The following KCNH5 variants were observed in gnomAD, a reference collection of about 807,000 sequenced individuals.
KCNH5 encodes the protein potassium voltage-gated channel subfamily H member 5.
Under a neutral mutation model 96.1 loss-of-function variants are expected in KCNH5, and 46 were observed. The observed-to-expected ratio is 0.48, with a 90% CI of 0.38 to 0.61. The LOEUF is 0.61. KCNH5 is among the 20% of genes least tolerant of loss of function. The pLI is 0.00. For missense variants in KCNH5, 907 were observed against 1,225.8 expected (o/e 0.74, Z 3.88); for synonymous variants, 439 against 449.8 (o/e 0.98, Z 0.30).
At chr14:62,801,218 C>A (rs1486490316) in intron 9 of KCNH5, among the ~76,000 whole-genome samples, 1 of 151,758 alleles carries the variant, frequency 6.6e-6, no homozygotes, top group Non-Finnish European at 1.5e-5. Flanking sequence ...TAATCTTTTA[C>A]TTTTGAGAAT....
chr14:62,928,338 C>T (rs181730296), intron 7 of KCNH5, among the ~76,000 whole-genome samples: 3 of 152,166 alleles, frequency 2.0e-5, no homozygotes, highest in South Asian at 4.1e-4. Flanking sequence ...ACTGGATGCT[C>T]ATTCAGTTAG....
At chr14:62,893,728 C>G (rs564192094) in intron 7 of KCNH5, among the ~76,000 whole-genome samples, 1 of 151,058 alleles carries the variant, frequency 6.6e-6, no homozygotes, top group Non-Finnish European at 1.5e-5. Flanking sequence ...TCAGCCTGGG[C>G]GACAGAGCGA....
chr14:63,003,630 T>A (rs1891070640), intron 3 of KCNH5, among the ~76,000 whole-genome samples: 2 of 119,222 alleles, frequency 1.7e-5, no homozygotes, highest in Admixed American at 8.7e-5. Context: ...ATATATTTTT[T>A]TTTTTTTGAG....
chr14:62,907,081 T>C (rs1889043026), intron 7 of KCNH5, among the ~76,000 whole-genome samples: 1 of 152,200 alleles, frequency 6.6e-6, no homozygotes, highest in Non-Finnish European at 1.5e-5. Flanking sequence ...ACTTTCCACA[T>C]GTAGGATGTG....
At chr14:62,760,282 A>G (rs1424784826) in intron 10 of KCNH5, among the ~76,000 whole-genome samples, 1 of 152,180 alleles carries the variant, frequency 6.6e-6, no homozygotes. Context: ...CTAACTTTCA[A>G]AGGACCCGTG....
chr14:62,878,008 T>G (rs1266852031), intron 7 of KCNH5, among the ~76,000 whole-genome samples: 1 of 151,254 alleles, frequency 6.6e-6, no homozygotes, highest in Non-Finnish European at 1.5e-5. Flanking sequence ...TGGAATACTA[T>G]GCAGCCATAA....
At chr14:62,753,610 T>C (rs1164181914) in intron 10 of KCNH5, among the ~76,000 whole-genome samples, 1 of 151,948 alleles carries the variant, frequency 6.6e-6, no homozygotes, top group Admixed American at 6.6e-5. Context: ...AAGAAACAAA[T>C]AACATACAGT....
At chr14:62,784,725 T>A (rs1422695335) in intron 9 of KCNH5, among the ~76,000 whole-genome samples, 1 of 152,212 alleles carries the variant, frequency 6.6e-6, no homozygotes. Flanking sequence ...GGGCCATTTT[T>A]AATTACAGAA....
At chr14:62,824,524 T>A (rs781710140) in intron 8 of KCNH5, among the ~76,000 whole-genome samples, 1 of 152,104 alleles carries the variant, frequency 6.6e-6, no homozygotes, top group Non-Finnish European at 1.5e-5. Context: ...CAATAAAAGT[T>A]TTATATATTG....
At chr14:62,916,188 G>A (rs1335602682) in intron 7 of KCNH5, among the ~76,000 whole-genome samples, 4 of 151,922 alleles carry the variant, frequency 2.6e-5, no homozygotes, top group Non-Finnish European at 4.4e-5. Flanking sequence ...TCCTGACCTC[G>A]TGATCTGCCT....
rs569755173 is a variant in KCNH5, at chr14:62,823,670, T to C, written c.1570-21089A>G. Among the ~76,000 whole-genome samples the C allele has an allele frequency of 5.3e-5, 8 of 152,226 alleles. No individual in the cohort carries two copies. In the East Asian group the frequency reaches 1.5e-3, roughly 29 times the overall value. The stretch of plus-strand genomic sequence containing the variant: ...TTCAGATTATTCTTTCTCCATCATG[T>C]CATCTCTGATTTACTCCTTTCTGGC... On this transcript the variant is annotated intron_variant, in intron 8 of 10. Coordinates refer to ENST00000322893, the MANE Select transcript of KCNH5 (RefSeq NM_139318.5).
chr14:62,902,822 C>T (rs1392632500), intron 7 of KCNH5, among the ~76,000 whole-genome samples: 7 of 151,698 alleles, frequency 4.6e-5, no homozygotes, highest in East Asian at 1.9e-4. Context: ...AGGGTTCAAG[C>T]GATTCTCCCA....
intron 8 of KCNH5, among the ~76,000 whole-genome samples, chr14:62,840,557 C>CTTT: frequency 9.2e-6 from 1 of 108,736 alleles, no homozygotes; most frequent in Non-Finnish European, 1.9e-5. Flanking sequence ...TTTCTTTTTT[C>CTTT]TTTTTTTTCT....
At chr14:62,924,364 G>A (rs747460413) in intron 7 of KCNH5, among the ~76,000 whole-genome samples, 2 of 151,904 alleles carry the variant, frequency 1.3e-5, no homozygotes, top group African/African-American at 2.4e-5. Flanking sequence ...CTTATACACT[G>A]TTGGTGGGAA....
At chr14:62,834,939 C>T (rs1272866339) in intron 8 of KCNH5, among the ~76,000 whole-genome samples, 1 of 151,940 alleles carries the variant, frequency 6.6e-6, no homozygotes. Flanking sequence ...AAACTGTTTA[C>T]TATCCGGCCC....
At chr14:62,868,321 A>G (rs1384567269) in intron 7 of KCNH5, among the ~76,000 whole-genome samples, 3 of 152,170 alleles carry the variant, frequency 2.0e-5, no homozygotes, top group Non-Finnish European at 4.4e-5. Context: ...ACATTCAACA[A>G]TTTTACTCAA....
At chr14:62,775,994 C>T (rs1886087297) in intron 10 of KCNH5, among the ~76,000 whole-genome samples, 3 of 152,186 alleles carry the variant, frequency 2.0e-5, no homozygotes, top group South Asian at 4.2e-4. Flanking sequence ...TTGGGGCCAG[C>T]GCGGTGGCTC....
At chr14:62,775,447 G>A (rs1338195014) in intron 10 of KCNH5, among the ~76,000 whole-genome samples, 1 of 151,902 alleles carries the variant, frequency 6.6e-6, no homozygotes, top group Non-Finnish European at 1.5e-5. Flanking sequence ...TGGCCTCTTG[G>A]AGAAAAAAAA....
intron 10 of KCNH5, among the ~76,000 whole-genome samples, chr14:62,730,146 C>G (rs1242609387): frequency 4.6e-5 from 7 of 152,110 alleles, no homozygotes; most frequent in Admixed American, 2.6e-4. Context: ...ATAATCTACA[C>G]TTCTTGGCAT....
Sources: allele counts gnomAD v4.1 joint callset (sites outside exome capture counted in the v4.1 genomes callset), GRCh38; gene constraint gnomAD v4.1.1; transcripts MANE v1.5; gene names NCBI Gene and HGNC (gene_info 2026-07-23, HGNC 2026-07-21).